The following VTI1A variants were observed in gnomAD, a reference collection of about 807,000 sequenced individuals.
VTI1A encodes the protein vesicle transport through interaction with t-SNAREs 1A, also known as vesicle transport through interaction with t-SNAREs homolog 1A.
In VTI1A, 22 loss-of-function variants were observed where a neutral mutation model predicts 34.9. The ratio of observed to expected loss-of-function variants is 0.63; its 90% confidence interval spans 0.45 to 0.90. The LOEUF is 0.90. VTI1A is among the 40% of genes least tolerant of loss of function. VTI1A has a pLI of 0.00. For missense variants in VTI1A, 268 were observed against 275.6 expected, an observed-to-expected ratio of 0.97 and a Z score of 0.20; for synonymous variants, 87 against 97.3, an observed-to-expected ratio of 0.89 and a Z score of 0.62.
chr10:112,756,909 A>G (rs1851300653), intron 7 of VTI1A, among the ~76,000 whole-genome samples: 1 of 152,002 alleles, frequency 6.6e-6, no homozygotes, highest in Non-Finnish European at 1.5e-5. Context: ...TTAGTCAGGC[A>G]TGGTGGTGTG....
At chr10:112,635,046 C>T (rs1386015823) in intron 5 of VTI1A, among the ~76,000 whole-genome samples, 2 of 152,136 alleles carry the variant, frequency 1.3e-5, no homozygotes, top group Admixed American at 6.5e-5. Flanking sequence ...GGACATTTGC[C>T]GGAGTTTTCA....
chr10:112,722,956 G>A (rs1430099766), intron 7 of VTI1A, among the ~76,000 whole-genome samples: 1 of 152,142 alleles, frequency 6.6e-6, no homozygotes, highest in Non-Finnish European at 1.5e-5. Context: ...ACAATAAGGG[G>A]CAGTGTCTTA....
downstream of VTI1A, among the ~76,000 whole-genome samples, chr10:112,822,700 T>A (rs967779048): frequency 2.6e-5 from 4 of 152,168 alleles, no homozygotes; most frequent in African/African-American, 9.7e-5. Context: ...TACACTGCAT[T>A]TCTAAAGAAA....
intron 5 of VTI1A, among the ~76,000 whole-genome samples, chr10:112,549,656 A>G (rs901923126): frequency 1.3e-5 from 2 of 152,170 alleles, no homozygotes; most frequent in African/African-American, 4.8e-5. Flanking sequence ...TTCTCTAGAA[A>G]AAGTTTTTCT....
At chr10:112,472,937 C>G (rs1212526719) in intron 3 of VTI1A, among the ~76,000 whole-genome samples, 1 of 151,204 alleles carries the variant, frequency 6.6e-6, no homozygotes, top group African/African-American at 2.4e-5. Context: ...AAATATAATA[C>G]CTGGTCGTTA....
intron 7 of VTI1A, among the ~76,000 whole-genome samples, chr10:112,811,708 A>G (rs1330679329): frequency 2.6e-5 from 3 of 117,400 alleles, no homozygotes; most frequent in African/African-American, 7.2e-5. Flanking sequence ...AAAAAAAAAA[A>G]AAAAGAGTGC....
intron 7 of VTI1A, among the ~76,000 whole-genome samples, chr10:112,705,541 G>A (rs1849166570): frequency 6.6e-6 from 1 of 152,070 alleles, no homozygotes; most frequent in African/African-American, 2.4e-5. Flanking sequence ...ACATTTCTGG[G>A]AAGTGCACCC....
chr10:112,577,275 G>GA (rs1484924365), intron 5 of VTI1A, among the ~76,000 whole-genome samples: 2 of 152,136 alleles, frequency 1.3e-5, no homozygotes, highest in African/African-American at 4.8e-5. Context: ...AATTTTGGGG[G>GA]ACAGAGACAT....
At chr10:112,606,284 C>G (rs1845080892) in intron 5 of VTI1A, among the ~76,000 whole-genome samples, 1 of 152,132 alleles carries the variant, frequency 6.6e-6, no homozygotes, top group East Asian at 1.9e-4. Flanking sequence ...TTCGGCCTCC[C>G]AAAGTGCTGG....
chr10:112,488,546 G>C (rs139834197), intron 3 of VTI1A, among the ~76,000 whole-genome samples: 1 of 152,294 alleles, frequency 6.6e-6, no homozygotes, highest in East Asian at 1.9e-4. Flanking sequence ...GCTGATCAGT[G>C]GCTTGAGCAA....
intron 5 of VTI1A, among the ~76,000 whole-genome samples, chr10:112,593,032 T>A (rs549424141): frequency 6.6e-6 from 1 of 152,196 alleles, no homozygotes; most frequent in African/African-American, 2.4e-5. Flanking sequence ...TACTTTCAAA[T>A]AGATACTAAA....
At chr10:112,705,496 C>T (rs532272698) in intron 7 of VTI1A, among the ~76,000 whole-genome samples, 89 of 152,070 alleles carry the variant, frequency 5.9e-4, no homozygotes, top group Non-Finnish European at 1.1e-3. Context: ...AAGGCACGCC[C>T]CTCTTCTCCC....
At chr10:112,591,000 C>T (rs1844365053) in intron 5 of VTI1A, among the ~76,000 whole-genome samples, 1 of 152,120 alleles carries the variant, frequency 6.6e-6, no homozygotes, top group South Asian at 2.1e-4. Flanking sequence ...ACTCCGGAGG[C>T]TTAGGCAAGA....
chr10:112,621,520 T>C (rs1184746746), intron 5 of VTI1A, among the ~76,000 whole-genome samples: 4 of 152,150 alleles, frequency 2.6e-5, no homozygotes, highest in African/African-American at 4.8e-5. Context: ...AAATGAGAAC[T>C]TAAGGTTAAG....
At chr10:112,770,455 G>A (rs1851774729) in intron 7 of VTI1A, among the ~76,000 whole-genome samples, 1 of 151,364 alleles carries the variant, frequency 6.6e-6, no homozygotes, top group South Asian at 2.1e-4. Flanking sequence ...GAGTGCAGTG[G>A]CAGGATCTCG....
chr10:112,766,336 T>C lies in VTI1A; in HGVS notation c.561-48954T>C, dbSNP rs371630421. ...TAGCCAGTACTTTCAAAGATAAAAATAATTATTATGGAGTTACTTTAAATT... is the reference window on the plus strand; with the variant it reads ...TAGCCAGTACTTTCAAAGATAAAAACAATTATTATGGAGTTACTTTAAATT... On this transcript the variant is annotated intron_variant, in intron 7 of 7. Coordinates refer to ENST00000393077, the MANE Select transcript of VTI1A (RefSeq NM_145206.4). 2.6e-5 allele frequency among the ~76,000 whole-genome samples: 4 copies of C among 152,242 alleles called. No individual in the cohort carries two copies. In the East Asian group the frequency reaches 7.7e-4, roughly 29 times the overall value.
the VTI1A span, chr10:112,827,839 G>C: frequency 3.3e-5 from 5 of 152,184 alleles, no homozygotes; most frequent in African/African-American, 1.2e-4. Flanking sequence ...TTTTTGGACT[G>C]TGAATTAGAC....
At chr10:112,714,036 T>C (rs1849521950) in intron 7 of VTI1A, among the ~76,000 whole-genome samples, 1 of 152,158 alleles carries the variant, frequency 6.6e-6, no homozygotes, top group African/African-American at 2.4e-5. Flanking sequence ...TTTAGCATTC[T>C]AGGTCTCCCC....
chr10:112,627,258 C>T (rs1464686933), intron 5 of VTI1A, among the ~76,000 whole-genome samples: 1 of 152,126 alleles, frequency 6.6e-6, no homozygotes, highest in Non-Finnish European at 1.5e-5. Context: ...GAATGACCAC[C>T]TAAAGTAAGG....
Sources: allele counts gnomAD v4.1 joint callset (sites outside exome capture counted in the v4.1 genomes callset), GRCh38; gene constraint gnomAD v4.1.1; transcripts MANE v1.5; gene names NCBI Gene and HGNC (gene_info 2026-07-23, HGNC 2026-07-21).